Variants in NEMF observed in about 807,000 individuals in gnomAD.
NEMF encodes ribosome quality control complex subunit NEMF.
Under a neutral mutation model 162.2 loss-of-function variants are expected in NEMF, and 89 were observed. The observed-to-expected ratio is 0.55, with a 90% CI of 0.46 to 0.65. The LOEUF (loss-of-function observed/expected upper bound fraction) is 0.65, where lower values mean the gene tolerates loss of function less well. Ranked by LOEUF, NEMF falls within the 30% of genes least tolerant of loss-of-function variation. NEMF has a pLI of 0.00. For missense variants in NEMF, 1,133 were observed against 1,261.9 expected (o/e 0.90, Z 1.55); for synonymous variants, 421 against 404.5 (o/e 1.04, Z -0.49).
intron 18 of NEMF, among the ~76,000 whole-genome samples, chr14:49,811,959 G>T (rs576882814): frequency 6.6e-6 from 1 of 152,258 alleles, no homozygotes. Flanking sequence ...TGTTCCCACT[G>T]ATCCTATTTT....
At position 49,782,226 on chromosome 14, in the gene NEMF, C is replaced by T; in HGVS notation, c.*2410G>A. 1.8e-6 allele frequency: 1 copy of T among 541,652 alleles called. No individual in the cohort carries two copies. The highest frequency in any genetic ancestry group is 2.9e-5 in the South Asian group (1 of 35,044). The allele number at this position is 541,652 out of a possible 1,614,324, so 33.6% of individuals were successfully genotyped here. A position where few individuals can be genotyped will look rare whatever the true frequency, so the allele number is the denominator to read the frequency against. ...TGATTGATCTGCTTTTGCTACTTTCCCTTAAGATTTTACTTCTCGCCATGA... is the reference window on the plus strand; with the variant it reads ...TGATTGATCTGCTTTTGCTACTTTCTCTTAAGATTTTACTTCTCGCCATGA... On this transcript the variant is annotated 3_prime_UTR_variant, in exon 33 of 33. Transcript: ENST00000298310.
intron 18 of NEMF, 117 bp from the exon 19 acceptor site, chr14:49,806,250 ATATATATTTTTTT>A (rs1361276705): frequency 0.057 from 1,092 of 19,122 alleles, 56 homozygotes; most frequent in South Asian, 0.41. Flanking sequence ...ATATATATAT[ATATATATTTTTTT>A]TTTTTTTTTT....
chr14:49,828,535 T>G, intron 14 of NEMF, 81 bp downstream of exon 14: 1 of 1,233,112 alleles, frequency 8.1e-7, no homozygotes, highest in Non-Finnish European at 1.1e-6. Flanking sequence ...CAAGTGAAAT[T>G]TAAAATTTTT....
chr14:49,852,231 ATAGAATCCAGAC>A (rs1893814440), intron 1 of NEMF, among the ~76,000 whole-genome samples: 1 of 152,242 alleles, frequency 6.6e-6, no homozygotes, highest in Admixed American at 6.5e-5. Flanking sequence ...GGGCTGAATA[ATAGAATCCAGAC>A]TAGAATCCAG....
intron 26 of NEMF, among the ~76,000 whole-genome samples, chr14:49,793,977 A>G (rs1594731145): frequency 6.6e-6 from 1 of 151,770 alleles, no homozygotes; most frequent in South Asian, 2.1e-4. Flanking sequence ...TCCACCTGCA[A>G]TTCACTGTGG....
intron 4 of NEMF, among the ~76,000 whole-genome samples, chr14:49,842,408 C>A (rs1893259266): frequency 6.6e-6 from 1 of 152,062 alleles, no homozygotes; most frequent in African/African-American, 2.4e-5. Context: ...TGCTAGATAA[C>A]CTTTTCAATA....
At chr14:49,797,455 C>T (rs1045630320) in intron 25 of NEMF, 1 of 151,998 alleles carries the variant, frequency 6.6e-6, no homozygotes, top group Non-Finnish European at 1.5e-5. Context: ...CACGGTGAAA[C>T]CCCATCTCTA....
At chr14:49,809,662 C>A (rs2139887961) in intron 18 of NEMF, among the ~76,000 whole-genome samples, 1 of 151,556 alleles carries the variant, frequency 6.6e-6, no homozygotes. Flanking sequence ...GAGTTCGAGA[C>A]CAGCCTGGCC....
chr14:49,833,516 A>T lies in NEMF; in HGVS notation c.662-20T>A. ...CAATATCTAATGGTGGGGGAAAAAA[A>T]GGAAAAAAGGAGTGCCAATCAAGTG... is the stretch of plus-strand genomic sequence containing the variant. On this transcript the variant is annotated intron_variant, in intron 7 of 32. Coordinates refer to ENST00000298310, the MANE Select transcript of NEMF (RefSeq NM_004713.6). The T allele has an allele frequency of 6.6e-7, 1 of 1,517,438 alleles. No individual in the cohort carries two copies. Among genetic ancestry groups the T allele is most frequent in the Non-Finnish European group, 9.0e-7 (1 of 1,110,866 alleles). 94.0% of individuals were successfully genotyped at this position (1,517,438 alleles called of 1,614,324 possible).
chr14:49,833,041 G>A (rs1189753195), intron 8 of NEMF, among the ~76,000 whole-genome samples: 4 of 152,100 alleles, frequency 2.6e-5, no homozygotes, highest in East Asian at 1.9e-4. Flanking sequence ...CAAGGCAGGC[G>A]GATCACTTGA....
intron 15 of NEMF, among the ~76,000 whole-genome samples, chr14:49,826,802 G>T (rs1486172062): frequency 3.9e-5 from 6 of 152,088 alleles, no homozygotes; most frequent in African/African-American, 1.4e-4. Context: ...ATGTTGGGCT[G>T]GGGGGAGTGT....
intron 6 of NEMF, among the ~76,000 whole-genome samples, chr14:49,836,669 C>T (rs1308505629): frequency 1.3e-5 from 2 of 149,852 alleles, no homozygotes; most frequent in Admixed American, 6.6e-5. Context: ...TTTTGAAATG[C>T]CAAATGCCAA....
At chr14:49,852,039 TAA>T (rs1893803057) in intron 1 of NEMF, among the ~76,000 whole-genome samples, 164 bp from the exon 2 acceptor site, 1 of 152,092 alleles carries the variant, frequency 6.6e-6, no homozygotes, top group South Asian at 2.1e-4. Flanking sequence ...GTTCAAAACT[TAA>T]GAGTAACGAT....
intron 7 of NEMF, 54 bp from the exon 8 acceptor site, chr14:49,833,550 C>A: frequency 8.3e-7 from 1 of 1,200,904 alleles, no homozygotes. Flanking sequence ...TGTCAATTAA[C>A]CGTGGCTAAA....
At chr14:49,811,755 T>G (rs777555360) in intron 18 of NEMF, among the ~76,000 whole-genome samples, 27 of 152,224 alleles carry the variant, frequency 1.8e-4, no homozygotes, top group Non-Finnish European at 2.8e-4. Flanking sequence ...AATTTCCATA[T>G]ACTGAACCAA....
intron 4 of NEMF, among the ~76,000 whole-genome samples, chr14:49,845,750 C>A (rs1193259251): frequency 6.6e-6 from 1 of 152,232 alleles, no homozygotes; most frequent in Admixed American, 6.5e-5. Flanking sequence ...AGATCCATTA[C>A]AATGTTACAG....
rs1892314092 is a variant in NEMF at position 49,825,870 on chromosome 14, T to A, written c.1574A>T (p.Tyr525Phe). Residue 525 changes from tyrosine to phenylalanine, a missense_variant, in exon 16 of 33, where the codon TAT (tyrosine) becomes TTT (phenylalanine). By Grantham distance (22) the Tyr-to-Phe change is conservative. Transcript: ENST00000298310. ...TTGAAAGAGACAGAACACTTACCAA[T>A]ATACTTTTCTTGCTTTTTGAATAGA... is the stretch of plus-strand genomic sequence containing the variant. Reference protein sequence around the residue: ...VTSIQKARKVYWFEKFLWFIS... With the variant: ...VTSIQKARKVFWFEKFLWFIS... 2 of 1,572,256 alleles carry A rather than the reference T, an allele frequency of 1.3e-6. No individual in the cohort carries two copies. The highest frequency in any genetic ancestry group is 1.7e-6 in the Non-Finnish European group (2 of 1,145,408).
intron 16 of NEMF, chr14:49,820,311 T>A (rs1377400067): frequency 4.9e-6 from 2 of 408,914 alleles, no homozygotes; most frequent in Non-Finnish European, 9.8e-6. Flanking sequence ...CATTTGATCC[T>A]TTTTATGGCT....
In NEMF at chr14:49,840,240, T is replaced by C. The variant is rs113660714; in HGVS notation, c.506+478A>G. Among the ~76,000 whole-genome samples the C allele has an allele frequency of 2.8e-3, 423 of 152,290 alleles. 3 individuals are homozygous for C. Among genetic ancestry groups the C allele is most frequent in the African/African-American group, 9.5e-3 (397 of 41,574 alleles). ...ACTTTGGGAGGCCGAGGCAGGCAGA[T>C]TGCCTGAGGTCAAGAGATCAAGACC... On this transcript the variant is annotated intron_variant, in intron 5 of 32. Coordinates refer to ENST00000298310, the MANE Select transcript of NEMF (RefSeq NM_004713.6).
Sources: gnomAD v4.1 joint callset for allele counts (sites outside exome capture counted in the v4.1 genomes callset) on GRCh38, gnomAD v4.1.1 for gene constraint, MANE v1.5 for transcripts, NCBI Gene and HGNC (gene_info 2026-07-23, HGNC 2026-07-21) for gene names.